OSBP2: variants seen among roughly 807,000 people sequenced by gnomAD.
OSBP2 encodes oxysterol-binding protein 2.
In OSBP2, 66 loss-of-function variants were observed where a neutral mutation model predicts 96.0. That is an observed-to-expected ratio of 0.69 (90% confidence interval 0.56 to 0.84). The LOEUF is 0.84. Ranked by LOEUF, OSBP2 falls within the 40% of genes least tolerant of loss-of-function variation. The pLI is 0.00. For synonymous variants in OSBP2, 525 were observed against 520.9 expected (o/e 1.01, Z -0.11); for missense variants, 1,038 against 1,222.7 (o/e 0.85, Z 2.25).
At chr22:30,804,072 G>A (rs572011199) in intron 2 of OSBP2, among the ~76,000 whole-genome samples, 1 of 152,294 alleles carries the variant, frequency 6.6e-6, no homozygotes, top group Admixed American at 6.5e-5. Flanking sequence ...GACCCTACCA[G>A]CATTCGGTTC....
intron 2 of OSBP2, among the ~76,000 whole-genome samples, chr22:30,763,251 C>T (rs1377176745): frequency 6.6e-6 from 1 of 152,146 alleles, no homozygotes; most frequent in Non-Finnish European, 1.5e-5. Context: ...CCAAGAAGTC[C>T]CCTGCCCTGC....
At chr22:30,755,709 C>T (rs2090131717) in intron 2 of OSBP2, among the ~76,000 whole-genome samples, 1 of 152,142 alleles carries the variant, frequency 6.6e-6, no homozygotes, top group Non-Finnish European at 1.5e-5. Context: ...GAGAAGAGTC[C>T]AACCAGGAGA....
chr22:30,735,938 G>A (rs1448105342), intron 1 of OSBP2, among the ~76,000 whole-genome samples: 3 of 151,402 alleles, frequency 2.0e-5, no homozygotes, highest in Non-Finnish European at 4.4e-5. Context: ...TTTTGAGTCA[G>A]AGTCTCTCTC....
At chr22:30,805,869 G>C (rs916544700) in intron 2 of OSBP2, among the ~76,000 whole-genome samples, 1 of 152,224 alleles carries the variant, frequency 6.6e-6, no homozygotes, top group Admixed American at 6.5e-5. Flanking sequence ...GCCAAAGGCC[G>C]TGAGGAGTCT....
chr22:30,884,229 C>A (rs549033656), intron 3 of OSBP2, among the ~76,000 whole-genome samples: 1 of 152,338 alleles, frequency 6.6e-6, no homozygotes, highest in African/African-American at 2.4e-5. Flanking sequence ...TCGAGGAGGC[C>A]TTTCCCCCTG....
chr22:30,804,213 A>G (rs974672121), intron 2 of OSBP2, among the ~76,000 whole-genome samples: 2 of 151,998 alleles, frequency 1.3e-5, no homozygotes, highest in African/African-American at 4.8e-5. Flanking sequence ...GGGAGTGGAG[A>G]GGGGAGGTGG....
In OSBP2 at chr22:30,741,352, T is replaced by A; in HGVS notation, c.836T>A (p.Val279Glu). 6.2e-7 allele frequency: 1 copy of A among 1,609,810 alleles called. No individual in the cohort carries two copies. Among genetic ancestry groups the A allele is most frequent in the South Asian group, 1.1e-5 (1 of 90,968 alleles). ...CTGGCCAAGGCCAAGGCTGTCCGCG[T>A]GATGAACACTCATTCAGGTAGTGAG... ...LELAKAKAVR[V>E]MNTHSDDSGD... The change falls in exon 2 of 14, where the codon GTG (valine) becomes GAG (glutamate). Residue 279 changes from valine to glutamate, a missense_variant. Physicochemically the swap from Val to Glu is moderately radical, Grantham distance 121. This residue lies in a region of OSBP2 where 737 missense variants were observed against 913.3 expected (regional missense o/e 0.81). Coordinates refer to ENST00000332585, the MANE Select transcript of OSBP2 (RefSeq NM_030758.4).
At position 30,890,733 on chromosome 22, in the gene OSBP2, C is replaced by T; in HGVS notation, c.1629C>T (p.Asn543=). The T allele has an allele frequency of 6.2e-7, 1 of 1,612,240 alleles. No homozygotes were observed. The highest frequency in any genetic ancestry group is 8.5e-7 in the Non-Finnish European group (1 of 1,179,956). The change falls in exon 8 of 14, where the codon AAC becomes AAT. Residue 543 remains asparagine, a synonymous_variant. Coordinates refer to ENST00000332585, the MANE Select transcript of OSBP2 (RefSeq NM_030758.4). This position sits in a 1 kb window ranked among gnomAD's most constrained non-coding sequence, Gnocchi z 4.4. ...ACCCACCTGTCCACCCACAGGTGAACTTCAATGAGCCCCTGTCCATGCTCC... is the reference window on the plus strand; with the variant it reads ...ACCCACCTGTCCACCCACAGGTGAATTTCAATGAGCCCCTGTCCATGCTCC... ...RELSRIPMPV[N]FNEPLSMLQR...
In OSBP2 at chr22:30,879,663, C is replaced by G. The variant is rs538740679; in HGVS notation, c.1108-7763C>G. Reference sequence around the variant, plus strand: ...ACTTCCCCTTGTGGCTCCATGGGTCCCCAGTCTGGGTCTTGGACACTTAAG... The same window carrying G: ...ACTTCCCCTTGTGGCTCCATGGGTCGCCAGTCTGGGTCTTGGACACTTAAG... On this transcript the variant is annotated intron_variant, in intron 3 of 13. Transcript: ENST00000332585. 7.5e-3 allele frequency among the ~76,000 whole-genome samples: 1,145 copies of G among 152,312 alleles called. 6 individuals are homozygous for G. The highest frequency in any genetic ancestry group is 9.3e-3 in the Non-Finnish European group (636 of 68,026).
chr22:30,853,370 A>G (rs1046610893), intron 2 of OSBP2, among the ~76,000 whole-genome samples: 3 of 152,116 alleles, frequency 2.0e-5, no homozygotes, highest in African/African-American at 7.2e-5. Flanking sequence ...TTCCATCTTT[A>G]TCTCTGTCCA....
chr22:30,788,233 C>T (rs1325266561), intron 2 of OSBP2, among the ~76,000 whole-genome samples: 2 of 152,126 alleles, frequency 1.3e-5, no homozygotes, highest in African/African-American at 4.8e-5. Context: ...AGCGTCTTCT[C>T]CTGCTGAGTA....
upstream of OSBP2, chr22:30,694,474 C>A: frequency 8.3e-7 from 1 of 1,198,366 alleles, no homozygotes; most frequent in Non-Finnish European, 1.1e-6. Flanking sequence ...GAGAGCGAAC[C>A]CACCCCAGCC....
At chr22:30,816,055 C>G (rs1364424512) in intron 2 of OSBP2, among the ~76,000 whole-genome samples, 5 of 152,104 alleles carry the variant, frequency 3.3e-5, no homozygotes, top group African/African-American at 9.7e-5. Context: ...TACCAGTGTC[C>G]CATGCCAACA....
intron 2 of OSBP2, among the ~76,000 whole-genome samples, chr22:30,819,862 G>T (rs1298403585): frequency 6.6e-6 from 1 of 152,194 alleles, no homozygotes; most frequent in African/African-American, 2.4e-5. Context: ...TGACACCAGG[G>T]TTCACCAGCA....
At chr22:30,720,635 C>T (rs2089533308) in intron 1 of OSBP2, among the ~76,000 whole-genome samples, 1 of 152,156 alleles carries the variant, frequency 6.6e-6, no homozygotes, top group African/African-American at 2.4e-5. Context: ...CTTCACTTTC[C>T]TTATCTGTCA....
chr22:30,731,018 C>CA (rs1378553862), intron 1 of OSBP2, among the ~76,000 whole-genome samples: 4 of 149,620 alleles, frequency 2.7e-5, no homozygotes, highest in East Asian at 2.0e-4. Flanking sequence ...ACTAAAGATG[C>CA]AAAAAATTAG....
At chr22:30,795,116 T>C (rs147682249) in intron 2 of OSBP2, among the ~76,000 whole-genome samples, 165 of 151,922 alleles carry the variant, frequency 1.1e-3, no homozygotes, top group Middle Eastern at 0.01. Context: ...CTCATCGTCT[T>C]CCCAGGCTGG....
chr22:30,762,320 C>T (rs554392091), intron 2 of OSBP2, among the ~76,000 whole-genome samples: 3 of 152,262 alleles, frequency 2.0e-5, no homozygotes, highest in South Asian at 2.1e-4. Context: ...GAGGCCAAGG[C>T]GGGTGGACCA....
At chr22:30,858,165 A>C (rs1295214299) in intron 2 of OSBP2, among the ~76,000 whole-genome samples, 2 of 140,260 alleles carry the variant, frequency 1.4e-5, no homozygotes, top group African/African-American at 5.8e-5. Context: ...TTTGAGACGG[A>C]GTCTCGCTCT....
Sources: allele counts gnomAD v4.1 joint callset (sites outside exome capture counted in the v4.1 genomes callset), GRCh38; gene constraint gnomAD v4.1.1; regional missense constraint gnomAD v4.1.1; non-coding constraint Gnocchi (gnomAD v3.1); transcripts MANE v1.5; gene names NCBI Gene and HGNC (gene_info 2026-07-23, HGNC 2026-07-21).